The following NAV2 variants were observed in gnomAD, a reference collection of about 807,000 sequenced individuals.
The protein encoded by NAV2 is neuron navigator 2.
NAV2 carries 54 observed loss-of-function variants against 223.2 expected under a neutral mutation model. That is an observed-to-expected ratio of 0.24 (90% CI 0.19 to 0.30). NAV2 has a LOEUF of 0.30. NAV2 is among the 10% of genes least tolerant of loss of function. The pLI is 1.00. For synonymous variants in NAV2, 1,279 were observed against 1,239.3 expected, an observed-to-expected ratio of 1.03 and a Z score of -0.67; for missense variants, 2,806 against 3,147.5, an observed-to-expected ratio of 0.89 and a Z score of 2.60.
chr11:19,440,792 G>A (rs1851374457), intron 1 of NAV2, among the ~76,000 whole-genome samples: 1 of 152,142 alleles, frequency 6.6e-6, no homozygotes. Context: ...ATGAATGGAG[G>A]CTTGGTTTAA....
intron 3 of NAV2, among the ~76,000 whole-genome samples, chr11:19,851,489 G>A (rs1700343650): frequency 6.6e-6 from 1 of 152,150 alleles, no homozygotes; most frequent in Non-Finnish European, 1.5e-5. Context: ...GGGTATGTGT[G>A]CTGGGCCAGT....
chr11:19,454,100 A>G (rs920473937), intron 1 of NAV2, among the ~76,000 whole-genome samples: 1 of 151,904 alleles, frequency 6.6e-6, no homozygotes, highest in East Asian at 1.9e-4. Context: ...TAAAGTGAAC[A>G]CTCCCCGTCC....
rs116237509 is a variant in NAV2, at chr11:20,042,097, C to A, written c.2908-1884C>A. On this transcript the variant is annotated intron_variant, in intron 12 of 37. Coordinates refer to ENST00000349880, the MANE Select transcript of NAV2 (RefSeq NM_145117.5). Reference sequence around the variant, plus strand: ...ACCCTCCGTGGTGCCTGGCAGACAGCAAGCATGGAGTAAATTCTGGTTGGA... The same window carrying A: ...ACCCTCCGTGGTGCCTGGCAGACAGAAAGCATGGAGTAAATTCTGGTTGGA... Among the ~76,000 whole-genome samples, 1,034 of 152,268 alleles carry A rather than the reference C, an allele frequency of 6.8e-3. 12 individuals are homozygous for A. The highest frequency in any genetic ancestry group is 0.024 in the African/African-American group (997 of 41,532).
At chr11:19,359,441 G>C (rs1402211155) in intron 1 of NAV2, among the ~76,000 whole-genome samples, 1 of 152,196 alleles carries the variant, frequency 6.6e-6, no homozygotes, top group Non-Finnish European at 1.5e-5. Flanking sequence ...TTATAGGTAA[G>C]ATAAGAGGCA....
chr11:20,000,314 A>G (rs959843919), intron 11 of NAV2, among the ~76,000 whole-genome samples: 3 of 152,202 alleles, frequency 2.0e-5, no homozygotes, highest in Admixed American at 2.0e-4. Flanking sequence ...GACCCTGTGG[A>G]TTTGAACTTC....
chr11:19,600,587 A>ACATGGACT (rs2046326478), intron 1 of NAV2, among the ~76,000 whole-genome samples: 1 of 152,236 alleles, frequency 6.6e-6, no homozygotes, highest in South Asian at 2.1e-4. Context: ...AGCCAGAATA[A>ACATGGACT]CTGGGTTCAA....
intron 11 of NAV2, among the ~76,000 whole-genome samples, chr11:19,991,029 G>C (rs2051280489): frequency 6.6e-6 from 1 of 152,236 alleles, no homozygotes; most frequent in Non-Finnish European, 1.5e-5. Flanking sequence ...AATGAGGGCA[G>C]TATTCATACC....
chr11:19,484,778 A>G (rs969192636), intron 1 of NAV2, among the ~76,000 whole-genome samples: 18 of 152,208 alleles, frequency 1.2e-4, no homozygotes, highest in Non-Finnish European at 2.4e-4. Context: ...GTGTTGATGG[A>G]TGGACCCACA....
intron 1 of NAV2, among the ~76,000 whole-genome samples, chr11:19,689,409 T>C (rs2049106156): frequency 6.6e-6 from 1 of 151,986 alleles, no homozygotes; most frequent in Non-Finnish European, 1.5e-5. Context: ...GACTGCAAGG[T>C]AGGGACATGG....
At chr11:19,544,964 A>C (rs994236624) in intron 1 of NAV2, among the ~76,000 whole-genome samples, 10 of 152,250 alleles carry the variant, frequency 6.6e-5, no homozygotes, top group Admixed American at 4.6e-4. Flanking sequence ...AACACCTAGC[A>C]GATGGTTGGG....
chr11:19,961,691 G>A (rs181048648), intron 10 of NAV2, among the ~76,000 whole-genome samples: 7 of 152,292 alleles, frequency 4.6e-5, no homozygotes, highest in South Asian at 2.1e-4. Context: ...AAACTGTGGC[G>A]CACCTCTCAG....
intron 1 of NAV2, among the ~76,000 whole-genome samples, chr11:19,568,161 C>G (rs773697155): frequency 6.6e-6 from 1 of 152,228 alleles, no homozygotes; most frequent in Non-Finnish European, 1.5e-5. Context: ...CTTGGCCTGG[C>G]ACATTCTTCT....
chr11:19,798,254 A>C (rs1412601519), intron 1 of NAV2, among the ~76,000 whole-genome samples: 5 of 151,976 alleles, frequency 3.3e-5, no homozygotes. Context: ...ACAGAAGTGC[A>C]CTCCCTTCTC....
In NAV2 at chr11:19,933,383, G is replaced by T. The variant is rs2045565165; in HGVS notation, c.1139G>T (p.Gly380Val). The T allele has an allele frequency of 6.3e-7, 1 of 1,585,792 alleles. No individual in the cohort carries two copies. Among genetic ancestry groups the T allele is most frequent in the African/African-American group, 1.4e-5 (1 of 73,840 alleles). Residue 380 changes from glycine (G) to valine (V), a missense_variant, in exon 7 of 38, where the codon GGG becomes GTG. Around this residue, in one of 4 missense-constraint regions of NAV2, gnomAD observed 1,167 missense variants for 1,180.5 expected, o/e 0.99. Transcript: ENST00000349880. This position sits in a 1 kb window ranked among gnomAD's most constrained non-coding sequence, Gnocchi z 4.3. ...TVSMLSVKPP[G>V]PEAPRPTPEA... ...TCCATGCTCTCGGTCAAGCCTCCTG[G>T]GCCTGAGGCCCCCAGGCCCACACCT...
At chr11:19,955,030 A>G (rs1288357780) in intron 10 of NAV2, among the ~76,000 whole-genome samples, 2 of 151,806 alleles carry the variant, frequency 1.3e-5, no homozygotes, top group African/African-American at 4.8e-5. Flanking sequence ...TAAGTTCTAA[A>G]GGTTAGGGTC....
At position 20,024,122 on chromosome 11, in the gene NAV2, G is replaced by A. The variant is rs933289173; in HGVS notation, c.2769-11837G>A. Among the ~76,000 whole-genome samples, 9 of 152,190 alleles carry A rather than the reference G, an allele frequency of 5.9e-5. No individual in the cohort carries two copies. The South Asian group carries it at 1.9e-3, about 32-fold the overall frequency. On this transcript the variant is annotated intron_variant, in intron 11 of 37. Transcript: ENST00000349880. The stretch of plus-strand genomic sequence containing the variant: ...GGTTTTACCTGTTAATTTTAAATGT[G>A]ACTTCAGCTGGATGAAGGGCGTACT...
intron 1 of NAV2, among the ~76,000 whole-genome samples, chr11:19,678,867 AG>A (rs1244887392): frequency 6.6e-6 from 1 of 152,180 alleles, no homozygotes; most frequent in African/African-American, 2.4e-5. Context: ...AGAATGGATG[AG>A]TACATTCCCC....
rs370769394 is a variant in NAV2 at position 19,713,907 on chromosome 11, G to A, written c.212G>A (p.Gly71Glu). ...CTGCAGGGGCTGCAGGAGCCAGCGG[G>A]GGAGGGGCTCCCGCTGCGGAAGAGC... ...QVLQGLQEPA[G>E]EGLPLRKSGS... is the part of the protein sequence containing the mutation. The change falls in exon 1 of 38, where the codon GGG becomes GAG. Residue 71 changes from glycine to glutamate, a missense_variant. By Grantham distance (98) the Gly-to-Glu change is moderately conservative. Around this residue, in one of 4 missense-constraint regions of NAV2, gnomAD observed 1,167 missense variants for 1,180.5 expected, o/e 0.99. Coordinates refer to ENST00000349880, the MANE Select transcript of NAV2 (RefSeq NM_145117.5). The surrounding 1 kb of genome is among the most constrained non-coding windows in gnomAD (Gnocchi z 7.2). The A allele has an allele frequency of 3.7e-6, 6 of 1,613,632 alleles. No individual in the cohort carries two copies. Among genetic ancestry groups the A allele is most frequent in the Non-Finnish European group, 5.1e-6 (6 of 1,179,986 alleles).
chr11:19,988,710 C>T (rs748727413), intron 11 of NAV2, among the ~76,000 whole-genome samples: 6 of 152,140 alleles, frequency 3.9e-5, no homozygotes, highest in Non-Finnish European at 5.9e-5. Context: ...ATTGGGAGGC[C>T]TCTCTCAAGG....
Sources: allele counts gnomAD v4.1 joint callset (sites outside exome capture counted in the v4.1 genomes callset), GRCh38; gene constraint gnomAD v4.1.1; regional missense constraint gnomAD v4.1.1; non-coding constraint Gnocchi (gnomAD v3.1); transcripts MANE v1.5; gene names NCBI Gene and HGNC (gene_info 2026-07-23, HGNC 2026-07-21).